The following CA10 variants were observed in gnomAD, a reference collection of about 807,000 sequenced individuals.
CA10 encodes the protein carbonic anhydrase 10 (inactive).
Under a neutral mutation model 44.2 loss-of-function variants are expected in CA10, and 14 were observed. That is an observed-to-expected ratio of 0.32 (90% CI 0.21 to 0.50). CA10 has a LOEUF of 0.50. Ranked by LOEUF, CA10 falls within the 20% of genes least tolerant of loss-of-function variation. The probability of loss-of-function intolerance (pLI) is 0.99; values close to 1 mark genes in which losing one functional copy is unlikely to be tolerated. For missense variants in CA10, 350 were observed against 409.7 expected (o/e 0.85, Z 1.26); for synonymous variants, 159 against 141.6 (o/e 1.12, Z -0.87).
chr17:51,775,799 C>A (rs1011023262), intron 3 of CA10, among the ~76,000 whole-genome samples: 2 of 152,080 alleles, frequency 1.3e-5, no homozygotes, highest in African/African-American at 4.8e-5. Flanking sequence ...CAGGGATTAG[C>A]AGGAAGAGGC....
intron 3 of CA10, among the ~76,000 whole-genome samples, chr17:51,753,514 A>C (rs1904965050): frequency 6.6e-6 from 1 of 152,196 alleles, no homozygotes; most frequent in South Asian, 2.1e-4. Context: ...ATTCAGCCAC[A>C]ATCCTGTTCA....
At chr17:52,066,822 T>C (rs1194762893) in intron 2 of CA10, among the ~76,000 whole-genome samples, 1 of 152,196 alleles carries the variant, frequency 6.6e-6, no homozygotes, top group Non-Finnish European at 1.5e-5. Flanking sequence ...CAGAGATCTG[T>C]GGAGCTTTGA....
At position 52,035,798 on chromosome 17, in the gene CA10, G is replaced by A. The variant is rs140770480; in HGVS notation, c.136+36521C>T. ...CTCTCTCCCATGAGGAGTTGAGGGC[G>A]GTGGGCTATGTAAATGAGGCATTCC... On this transcript the variant is annotated intron_variant, in intron 2 of 8. Coordinates refer to ENST00000451037, the MANE Select transcript of CA10 (RefSeq NM_020178.5). Among the ~76,000 whole-genome samples the A allele has an allele frequency of 1.6e-3, 246 of 152,342 alleles. 2 individuals are homozygous for A. The highest frequency in any genetic ancestry group is 5.7e-3 in the African/African-American group (236 of 41,586).
chr17:51,711,291 C>T (rs983147435), intron 4 of CA10, among the ~76,000 whole-genome samples: 3 of 152,032 alleles, frequency 2.0e-5, no homozygotes, highest in Non-Finnish European at 2.9e-5. Context: ...GTTCTGGTTT[C>T]GAGATATACT....
Position 51,716,498 on chromosome 17 carries a change from A to G in CA10, c.465+31135T>C, listed in dbSNP as rs368924789. Reference sequence around the variant, plus strand: ...AAAAAGAAGAGAAAAAATGCCAAGAAGTTCACCCATTGGCTAACTTCTCTG... The same window carrying G: ...AAAAAGAAGAGAAAAAATGCCAAGAGGTTCACCCATTGGCTAACTTCTCTG... On this transcript the variant is annotated intron_variant, in intron 4 of 8. Coordinates refer to ENST00000451037, the MANE Select transcript of CA10 (RefSeq NM_020178.5). Among the ~76,000 whole-genome samples, 11 of 152,286 alleles carry G rather than the reference A, an allele frequency of 7.2e-5. No individual in the cohort carries two copies. In the East Asian group the frequency reaches 1.7e-3, roughly 24 times the overall value.
intron 3 of CA10, among the ~76,000 whole-genome samples, chr17:51,914,857 C>T (rs1247960954): frequency 6.6e-6 from 1 of 152,208 alleles, no homozygotes; most frequent in Admixed American, 6.5e-5. Context: ...AATTATTTAA[C>T]AACTGCACAT....
intron 2 of CA10, among the ~76,000 whole-genome samples, chr17:51,941,831 G>A (rs1235248788): frequency 1.3e-5 from 2 of 152,112 alleles, no homozygotes; most frequent in Non-Finnish European, 2.9e-5. Context: ...AACATCTGGT[G>A]AAGCACTTCT....
At chr17:52,003,107 G>C (rs1985483603) in intron 2 of CA10, among the ~76,000 whole-genome samples, 2 of 151,858 alleles carry the variant, frequency 1.3e-5, no homozygotes, top group South Asian at 2.1e-4. Context: ...TTATACGATG[G>C]GCCTGTCAAC....
intron 2 of CA10, among the ~76,000 whole-genome samples, chr17:52,066,099 T>C (rs2143112991): frequency 6.6e-6 from 1 of 152,296 alleles, no homozygotes; most frequent in Non-Finnish European, 1.5e-5. Context: ...CTTTATAAAT[T>C]AACCAGTCTC....
At chr17:52,010,710 C>T (rs767279656) in intron 2 of CA10, among the ~76,000 whole-genome samples, 14 of 151,994 alleles carry the variant, frequency 9.2e-5, no homozygotes, top group South Asian at 2.1e-4. Flanking sequence ...TCCCAGAAAT[C>T]ACCACTAAAT....
chr17:51,934,343 G>A (rs1450004864), intron 2 of CA10, among the ~76,000 whole-genome samples: 1 of 140,144 alleles, frequency 7.1e-6, no homozygotes, highest in Non-Finnish European at 1.6e-5. Flanking sequence ...GATTTCCAGT[G>A]CTACTGAGCC....
intron 3 of CA10, among the ~76,000 whole-genome samples, chr17:51,868,866 T>A (rs980977005): frequency 1.3e-5 from 2 of 151,274 alleles, no homozygotes; most frequent in African/African-American, 4.9e-5. Flanking sequence ...AAATTCAAGT[T>A]AGCTATGAAG....
In CA10 at chr17:51,885,876, C is replaced by T. The variant is rs542320222; in HGVS notation, c.279+45114G>A. Reference sequence around the variant, plus strand: ...TTTGCCTTCTTAAGCTTTGAAGTAACAGCAAATATAATTTTGGCCACTGGG... The same window carrying T: ...TTTGCCTTCTTAAGCTTTGAAGTAATAGCAAATATAATTTTGGCCACTGGG... On this transcript the variant is annotated intron_variant, in intron 3 of 8. Transcript: ENST00000451037. Among the ~76,000 whole-genome samples the T allele has an allele frequency of 1.6e-4, 24 of 152,342 alleles. No homozygotes were observed. The South Asian group carries it at 4.8e-3, about 30-fold the overall frequency.
At chr17:52,119,319 G>A (rs1988963372) in intron 1 of CA10, among the ~76,000 whole-genome samples, 1 of 152,130 alleles carries the variant, frequency 6.6e-6, no homozygotes, top group Admixed American at 6.5e-5. Flanking sequence ...AATGCAAGTG[G>A]AGAAACTGGT....
intron 1 of CA10, among the ~76,000 whole-genome samples, chr17:52,085,325 T>TGGTCTTCACACCTCCTGC (rs1380138800): frequency 1.3e-5 from 2 of 152,202 alleles, no homozygotes; most frequent in Non-Finnish European, 2.9e-5. Context: ...CTCCCTGCTG[T>TGGTCTTCACACCTCCTGC]GGTCTTCACA....
At chr17:52,060,015 C>G (rs530845643) in intron 2 of CA10, among the ~76,000 whole-genome samples, 14 of 152,320 alleles carry the variant, frequency 9.2e-5, no homozygotes, top group Non-Finnish European at 1.8e-4. Flanking sequence ...AGATCAATCT[C>G]TAGCCTTGTT....
intron 2 of CA10, among the ~76,000 whole-genome samples, chr17:52,054,462 G>T (rs2143062507): frequency 6.6e-6 from 1 of 152,120 alleles, no homozygotes; most frequent in African/African-American, 2.4e-5. Context: ...TTTCGCCCTG[G>T]TCCTGTGGTC....
chr17:51,961,507 C>T (rs1983892478), intron 2 of CA10, among the ~76,000 whole-genome samples: 7 of 151,590 alleles, frequency 4.6e-5, no homozygotes, highest in Admixed American at 4.6e-4. Context: ...CAGATAGAGT[C>T]AATGAAATCA....
chr17:51,700,445 T>A (rs918339882), intron 4 of CA10, among the ~76,000 whole-genome samples: 2 of 152,164 alleles, frequency 1.3e-5, no homozygotes, highest in Non-Finnish European at 2.9e-5. Flanking sequence ...CTCCGTTTGC[T>A]CATGCTCTGG....
Sources: gnomAD v4.1 joint callset for allele counts (sites outside exome capture counted in the v4.1 genomes callset) on GRCh38, gnomAD v4.1.1 for gene constraint, MANE v1.5 for transcripts, NCBI Gene and HGNC (gene_info 2026-07-23, HGNC 2026-07-21) for gene names.